Variants in ZDBF2 observed in about 807,000 individuals in gnomAD.
The protein encoded by ZDBF2 is zinc finger DBF-type containing 2.
ZDBF2 carries 6 observed loss-of-function variants against 9.4 expected under a neutral mutation model. The ratio of observed to expected loss-of-function variants is 0.64; its 90% CI spans 0.35 to 1.27. The LOEUF (loss-of-function observed/expected upper bound fraction) is 1.27, where lower values mean the gene tolerates loss of function less well. ZDBF2 is among the 50% of genes most tolerant of loss of function. ZDBF2 has a pLI of 0.03. For missense variants in ZDBF2, 2,697 were observed against 2,766.8 expected, an observed-to-expected ratio of 0.97 and a Z score of 0.57; for synonymous variants, 905 against 946.3, an observed-to-expected ratio of 0.96 and a Z score of 0.80.
rs1397199461 is a variant in ZDBF2 at position 206,305,365 on chromosome 2, T to C, written c.837T>C (p.Gly279=). ...TGTGGAAAGATGTAAAATCTCAGGG[T>C]AAAACTTTATCAGCTGGCTTGAAAT... ...LVLWKDVKSQ[G]KTLSAGLKFH... The change falls in exon 5 of 5, where the codon GGT becomes GGC. Residue 279 remains glycine, a synonymous_variant. Transcript: ENST00000374423. 6.2e-6 allele frequency: 10 copies of C among 1,612,772 alleles called. No homozygotes were observed. The highest frequency in any genetic ancestry group is 1.1e-5 in the South Asian group (1 of 90,914).
At position 206,288,810 on chromosome 2, in the gene ZDBF2, G is replaced by T. The variant is rs1691733862; in HGVS notation, c.60+6901G>T. Among the ~76,000 whole-genome samples, 3 of 152,114 alleles carry T rather than the reference G, an allele frequency of 2.0e-5. No individual in the cohort carries two copies. The South Asian group carries it at 6.2e-4, about 32-fold the overall frequency. On this transcript the variant is annotated intron_variant, in intron 3 of 4. Transcript: ENST00000374423. ...CCAGGGAAAAATAGTTGCTCTGGAG[G>T]TTTGATCCTGGGGAGCAGGGTGTGG...
chr2:206,291,199 A>G (rs1006523172), intron 3 of ZDBF2, among the ~76,000 whole-genome samples: 2 of 152,166 alleles, frequency 1.3e-5, no homozygotes, highest in African/African-American at 2.4e-5. Context: ...CGTGGAAGAC[A>G]ATTTTTCCAC....
intron 3 of ZDBF2, among the ~76,000 whole-genome samples, chr2:206,295,814 C>T (rs1692144803): frequency 1.3e-5 from 2 of 152,106 alleles, no homozygotes; most frequent in African/African-American, 4.8e-5. Context: ...CATAGGTAGA[C>T]TTTTTCCCAT....
chr2:206,310,173 A>G lies in ZDBF2; in HGVS notation c.5645A>G (p.Gln1882Arg), dbSNP rs770191320. 23 of 1,613,804 alleles carry G rather than the reference A, an allele frequency of 1.4e-5. No individual in the cohort carries two copies. In the South Asian group the frequency reaches 2.1e-4, roughly 15 times the overall value. Residue 1882 changes from glutamine (Q) to arginine (R), a missense_variant, in exon 5 of 5, where the codon CAA becomes CGA. By Grantham distance (43) the Gln-to-Arg change is conservative. Around this residue, in one of 3 missense-constraint regions of ZDBF2, gnomAD observed 1,783 missense variants for 1,776.5 expected, o/e 1.00. Coordinates refer to ENST00000374423, the MANE Select transcript of ZDBF2 (RefSeq NM_020923.3). Reference sequence around the variant, plus strand: ...AAAAAGGTTACCTGGGCTGACTTGCAAGGTAAGGAGGACACTGCACCAACT... The same window carrying G: ...AAAAAGGTTACCTGGGCTGACTTGCGAGGTAAGGAGGACACTGCACCAACT... ...GKKKVTWADL[Q>R]GKEDTAPTQA...
At chr2:206,284,854 G>A (rs145760448) in intron 3 of ZDBF2, among the ~76,000 whole-genome samples, 2 of 152,128 alleles carry the variant, frequency 1.3e-5, no homozygotes, top group African/African-American at 2.4e-5. Flanking sequence ...TCAGCTTCCC[G>A]AGTAGCTGGG....
rs753325185 is a variant in ZDBF2, at chr2:206,309,421, C to T, written c.4893C>T (p.Ala1631=). 6.2e-7 allele frequency: 1 copy of T among 1,613,642 alleles called. No individual in the cohort carries two copies. Among genetic ancestry groups the T allele is most frequent in the African/African-American group, 1.3e-5 (1 of 74,888 alleles). ...CTGAAATGAATTTTAATGTTGATGC[C>T]TCTGATCAGTCCATGACTTACGAGT... is the stretch of plus-strand genomic sequence containing the variant. ...CGSEMNFNVD[A]SDQSMTYESQ... The change falls in exon 5 of 5, where the codon GCC becomes GCT. Residue 1631 remains alanine (A), a synonymous_variant. Coordinates refer to ENST00000374423, the MANE Select transcript of ZDBF2 (RefSeq NM_020923.3).
chr2:206,275,271 C>T (rs1690925915), intron 1 of ZDBF2, among the ~76,000 whole-genome samples: 1 of 151,846 alleles, frequency 6.6e-6, no homozygotes. Context: ...GGGGAGGGGG[C>T]GGTCTGCGGG....
At chr2:206,282,497 G>T (rs1691376287) in intron 3 of ZDBF2, among the ~76,000 whole-genome samples, 1 of 152,158 alleles carries the variant, frequency 6.6e-6, no homozygotes, top group Non-Finnish European at 1.5e-5. Flanking sequence ...ACCTGCTGGG[G>T]ATTGGGCTTC....
chr2:206,307,624 G>T lies in ZDBF2; in HGVS notation c.3096G>T (p.Lys1032Asn), dbSNP rs749595504. Residue 1032 changes from lysine to asparagine, a missense_variant, in exon 5 of 5, where the codon AAG (lysine) becomes AAT (asparagine). By Grantham distance (94) the Lys-to-Asn change is moderately conservative. Transcript: ENST00000374423. ...AGAAGCAATATGTTCTAGAAAACAA[G>T]AATGATAAATGTAGTGGTTCTGAAA... ...NRKKQYVLEN[K>N]NDKCSGSEII... The T allele has an allele frequency of 2.5e-6, 4 of 1,612,102 alleles. No homozygotes were observed. The highest frequency in any genetic ancestry group is 1.7e-4 in the Middle Eastern group (1 of 6,048).
intron 1 of ZDBF2, among the ~76,000 whole-genome samples, chr2:206,279,200 A>G (rs1691184514): frequency 6.6e-6 from 1 of 152,190 alleles, no homozygotes; most frequent in Non-Finnish European, 1.5e-5. Context: ...TTTCTCATGA[A>G]GCTCATTTTG....
At chr2:206,280,554 A>G (rs751938945) in intron 2 of ZDBF2, among the ~76,000 whole-genome samples, 3 of 152,218 alleles carry the variant, frequency 2.0e-5, no homozygotes, top group Non-Finnish European at 2.9e-5. Flanking sequence ...CTGTAGGTTA[A>G]TAAGTGAAGT....
At chr2:206,298,448 A>G (rs1269730917) in intron 4 of ZDBF2, among the ~76,000 whole-genome samples, 1 of 152,220 alleles carries the variant, frequency 6.6e-6, no homozygotes, top group African/African-American at 2.4e-5. Context: ...AGAGGAAAAC[A>G]AGATGGTTTC....
In ZDBF2 at chr2:206,311,254, C is replaced by T. The variant is rs201217698; in HGVS notation, c.6726C>T (p.Ser2242=). The change falls in exon 5 of 5, where the codon AGC becomes AGT. Residue 2242 remains serine (S), a synonymous_variant. Coordinates refer to ENST00000374423, the MANE Select transcript of ZDBF2 (RefSeq NM_020923.3). ...VFLRHRYQSR[S]AFLGRYLKKK... is the part of the protein sequence containing the mutation. ...TACGTCATAGATATCAGTCCAGGAG[C>T]GCTTTTCTTGGAAGGTATCTGAAGA... The T allele has an allele frequency of 2.5e-5, 41 of 1,611,248 alleles. No homozygotes were observed. In the South Asian group the frequency reaches 3.1e-4, roughly 12 times the overall value.
rs775404030 is a variant in ZDBF2 at position 206,310,762 on chromosome 2, G to A, written c.6234G>A (p.Trp2078Ter). ...TACCAGAGTTTGAGAGGCGTAACTGGGTTAAAATTCATTTTAATAGGAGCA... is the reference window on the plus strand; with the variant it reads ...TACCAGAGTTTGAGAGGCGTAACTGAGTTAAAATTCATTTTAATAGGAGCA... ...VIVPEFERRN[W>*]VKIHFNRSNQ... Residue 2078 changes from tryptophan (W) to a stop codon, truncating the protein, a stop_gained, in exon 5 of 5, where the codon TGG becomes TGA. Transcript: ENST00000374423. LOFTEE classifies it low-confidence loss of function (END_TRUNC). 1 of 1,613,900 alleles carries A rather than the reference G, an allele frequency of 6.2e-7. No homozygotes were observed. Among genetic ancestry groups the A allele is most frequent in the South Asian group, 1.1e-5 (1 of 91,082 alleles).
chr2:206,310,433 A>G lies in ZDBF2; in HGVS notation c.5905A>G (p.Lys1969Glu). 1 of 1,614,018 alleles carries G rather than the reference A, an allele frequency of 6.2e-7. No individual in the cohort carries two copies. The highest frequency in any genetic ancestry group is 8.5e-7 in the Non-Finnish European group (1 of 1,179,894). The stretch of plus-strand genomic sequence containing the variant: ...AATTAGACAAGAGGAAGACCCACCA[A>G]AAAGTAAGTGTTCACGTTTACAGGA... ...KIIRQEEDPP[K>E]SKCSRLQDDR... The change falls in exon 5 of 5, where the codon AAA (lysine) becomes GAA (glutamate). Residue 1969 changes from lysine (K) to glutamate (E), a missense_variant. By Grantham distance (56) the Lys-to-Glu change is moderately conservative. This residue lies in a region of ZDBF2 where 1,783 missense variants were observed against 1,776.5 expected (regional missense o/e 1.00). Coordinates refer to ENST00000374423, the MANE Select transcript of ZDBF2 (RefSeq NM_020923.3).
Position 206,310,668 on chromosome 2 carries a change from GGAATATCTTTGATTATTATGAGCCCTT to G in ZDBF2, c.6143_6169del (p.Asn2048_Leu2056del), listed in dbSNP as rs1222526276. 6.2e-7 allele frequency: 1 copy of G among 1,611,088 alleles called. No homozygotes were observed. The highest frequency in any genetic ancestry group is 1.3e-5 in the African/African-American group (1 of 74,806). ...ATTCGGTTTATATGCAAATATAAAC[GGAATATCTTTGATTATTATGAGCCCTT>G]GATTAAGCAAATTGTAATTAGTCCT... is the stretch of plus-strand genomic sequence containing the variant. On this transcript the variant is annotated inframe_deletion, in exon 5 of 5. Transcript: ENST00000374423.
At chr2:206,294,189 G>A (rs1460612637) in intron 3 of ZDBF2, among the ~76,000 whole-genome samples, 2 of 152,062 alleles carry the variant, frequency 1.3e-5, no homozygotes, top group African/African-American at 2.4e-5. Flanking sequence ...CAAAACTATA[G>A]TATTAAAAGT....
At position 206,307,157 on chromosome 2, in the gene ZDBF2, C is replaced by T. The variant is rs1204814805; in HGVS notation, c.2629C>T (p.His877Tyr). ...PSGSEISSDS[H>Y]APLHSVTNSP... Reference sequence around the variant, plus strand: ...TGGTTCTGAAATAAGTTCGGATTCCCATGCCCCTCTTCATTCAGTGACTAA... The same window carrying T: ...TGGTTCTGAAATAAGTTCGGATTCCTATGCCCCTCTTCATTCAGTGACTAA... The change falls in exon 5 of 5, where the codon CAT (histidine) becomes TAT (tyrosine). Residue 877 changes from histidine to tyrosine, a missense_variant. Physicochemically the swap from His to Tyr is moderately conservative, Grantham distance 83 (BLOSUM62 2). Coordinates refer to ENST00000374423, the MANE Select transcript of ZDBF2 (RefSeq NM_020923.3). 1.2e-6 allele frequency: 2 copies of T among 1,613,114 alleles called. No individual in the cohort carries two copies. The highest frequency in any genetic ancestry group is 2.7e-5 in the African/African-American group (2 of 74,872).
At chr2:206,297,425 G>T (rs377158185) in intron 4 of ZDBF2, 52 bp downstream of exon 4, 112 of 1,501,188 alleles carry the variant, frequency 7.5e-5, no homozygotes, top group Non-Finnish European at 8.7e-5. Flanking sequence ...GTTACAGTAG[G>T]TGTTTGTGTT....
Sources: allele counts gnomAD v4.1 joint callset (sites outside exome capture counted in the v4.1 genomes callset), GRCh38; gene constraint gnomAD v4.1.1; regional missense constraint gnomAD v4.1.1; transcripts MANE v1.5; gene names NCBI Gene and HGNC (gene_info 2026-07-23, HGNC 2026-07-21).